Variants in RYR3 observed in about 807,000 individuals in gnomAD.
RYR3 encodes the protein brain ryanodine receptor-calcium release channel.
Under a neutral mutation model 584.3 loss-of-function variants are expected in RYR3, and 207 were observed. The ratio of observed to expected loss-of-function variants is 0.35; its 90% CI spans 0.32 to 0.40. The LOEUF (loss-of-function observed/expected upper bound fraction) is 0.40, where lower values mean the gene tolerates loss of function less well. Among genes scored for constraint, RYR3 ranks in the 10% least tolerant of loss-of-function variants. The pLI is 1.00. For missense variants in RYR3, 5,616 were observed against 6,089.2 expected, an observed-to-expected ratio of 0.92 and a Z score of 2.59; for synonymous variants, 2,416 against 2,248.5, an observed-to-expected ratio of 1.07 and a Z score of -2.11.
chr15:33,600,996 C>T (rs1014001689), intron 16 of RYR3, among the ~76,000 whole-genome samples: 1 of 152,174 alleles, frequency 6.6e-6, no homozygotes, highest in Non-Finnish European at 1.5e-5. Flanking sequence ...TCCTTCTGCT[C>T]TGTGTTTTCA....
At chr15:33,467,530 A>G in intron 1 of RYR3, 1 of 969,694 alleles carries the variant, frequency 1.0e-6, no homozygotes, top group Non-Finnish European at 1.2e-6. Context: ...GGCAAGATCC[A>G]TTCATTTTCA....
chr15:33,722,615 A>AT, intron 43 of RYR3, 100 bp from the exon 44 acceptor site: 2 of 1,193,088 alleles, frequency 1.7e-6, no homozygotes, highest in Non-Finnish European at 1.2e-6. Context: ...AGAGTAGGTG[A>AT]TAAGCTGAAC....
Position 33,859,737 on chromosome 15 carries a change from A to G in RYR3, c.14299+6A>G. 1 of 1,603,112 alleles carries G rather than the reference A, an allele frequency of 6.2e-7. No homozygotes were observed. Among genetic ancestry groups the G allele is most frequent in the Non-Finnish European group, 8.5e-7 (1 of 1,173,874 alleles). ...CTTGCTGGCCATCATTCAAGGTATG[A>G]TTGCCAATTGTGTTGAGTATGAACA... On this transcript the variant is annotated splice_donor_region_variant and intron_variant, in intron 100 of 103. Transcript: ENST00000634891.
chr15:33,863,113 C>G (rs1436307745), intron 102 of RYR3, among the ~76,000 whole-genome samples: 6 of 152,148 alleles, frequency 3.9e-5, no homozygotes, highest in East Asian at 1.9e-4. Context: ...TCCCATGGCA[C>G]TGTTACACTG....
chr15:33,434,892 A>G (rs2045519939), intron 1 of RYR3, among the ~76,000 whole-genome samples: 2 of 152,054 alleles, frequency 1.3e-5, no homozygotes, highest in South Asian at 2.1e-4. Flanking sequence ...ATCTTGGCTC[A>G]CTGCAAGCTC....
rs746018317 is a variant in RYR3 at position 33,752,999 on chromosome 15, G to A, written c.8400-2066G>A. ...ATGAAGGATGTTAAATTTTATTGAAGGCCTTTTCTCCCTCTATTGAGATAA... is the reference window on the plus strand; with the variant it reads ...ATGAAGGATGTTAAATTTTATTGAAAGCCTTTTCTCCCTCTATTGAGATAA... On this transcript the variant is annotated intron_variant, in intron 57 of 103. Transcript: ENST00000634891. 1.1e-4 allele frequency among the ~76,000 whole-genome samples: 17 copies of A among 152,074 alleles called. 1 individual carries two copies. Among genetic ancestry groups the A allele is most frequent in the Admixed American group, 3.9e-4 (6 of 15,270 alleles).
At chr15:33,348,585 C>T (rs1266638837) in intron 1 of RYR3, among the ~76,000 whole-genome samples, 2 of 152,124 alleles carry the variant, frequency 1.3e-5, no homozygotes, top group Admixed American at 6.5e-5. Context: ...AAGCTATTCT[C>T]CTGCCTCAGC....
intron 28 of RYR3, among the ~76,000 whole-genome samples, chr15:33,644,869 G>A (rs1042586467): frequency 1.3e-5 from 2 of 151,390 alleles, no homozygotes; most frequent in Non-Finnish European, 2.9e-5. Context: ...AGTTCGGGCT[G>A]GGTGTGGTGG....
At chr15:33,793,059 T>C (rs1333454511) in intron 67 of RYR3, among the ~76,000 whole-genome samples, 1 of 152,228 alleles carries the variant, frequency 6.6e-6, no homozygotes, top group Non-Finnish European at 1.5e-5. Context: ...TCTCATGACC[T>C]GGCTTGATAA....
In RYR3 at chr15:33,547,700, A is replaced by C. The variant is rs759070197; in HGVS notation, c.741-430A>C. Among the ~76,000 whole-genome samples, 55 of 152,194 alleles carry C rather than the reference A, an allele frequency of 3.6e-4. 1 individual carries two copies. The highest frequency in any genetic ancestry group is 1.3e-4 in the Admixed American group (2 of 15,274). The stretch of plus-strand genomic sequence containing the variant: ...CCTGGAATGATGGAAATGAGTTCAC[A>C]CTATGTCGAATAGGTGTTTTTAAAG... On this transcript the variant is annotated intron_variant, in intron 8 of 103. Coordinates refer to ENST00000634891, the MANE Select transcript of RYR3 (RefSeq NM_001036.6).
chr15:33,555,811 A>G (rs1365118718), intron 10 of RYR3, among the ~76,000 whole-genome samples: 5 of 152,258 alleles, frequency 3.3e-5, no homozygotes, highest in East Asian at 1.9e-4. Context: ...GCCTTCCCCA[A>G]TAAGGCAGAT....
At chr15:33,334,046 G>A (rs1183345210) in intron 1 of RYR3, among the ~76,000 whole-genome samples, 1 of 152,106 alleles carries the variant, frequency 6.6e-6, no homozygotes, top group African/African-American at 2.4e-5. Context: ...ACAAACAAAT[G>A]GAAAAACATT....
At chr15:33,551,094 T>A (rs1053304570) in intron 10 of RYR3, among the ~76,000 whole-genome samples, 1 of 152,224 alleles carries the variant, frequency 6.6e-6, no homozygotes, top group East Asian at 1.9e-4. Context: ...CAGTGCTGGA[T>A]CTAGCTGAAC....
intron 38 of RYR3, among the ~76,000 whole-genome samples, chr15:33,679,740 A>C (rs1421997889): frequency 6.6e-6 from 1 of 152,156 alleles, no homozygotes; most frequent in East Asian, 1.9e-4. Flanking sequence ...ATTTTCTTCA[A>C]CATAAATTTT....
Position 33,843,325 on chromosome 15 carries a change from AAAAG to A in RYR3, c.13210-155_13210-152del, listed in dbSNP as rs541874999. Among the ~76,000 whole-genome samples, 325 of 152,192 alleles carry A rather than the reference AAAAG, an allele frequency of 2.1e-3. 1 individual carries two copies. Among genetic ancestry groups the A allele is most frequent in the African/African-American group, 7.6e-3 (315 of 41,540 alleles). ...ACAGAGCGAGACTCCATCTCAAAAAAAAAGAAAGAAAAGAATGCCAGGGTTACCC... is the reference window on the plus strand; with the variant it reads ...ACAGAGCGAGACTCCATCTCAAAAAAAAAGAAAAGAATGCCAGGGTTACCC... On this transcript the variant is annotated intron_variant, in intron 91 of 103. Transcript: ENST00000634891.
chr15:33,328,918 T>G (rs1970061007), intron 1 of RYR3, among the ~76,000 whole-genome samples: 1 of 152,048 alleles, frequency 6.6e-6, no homozygotes. Flanking sequence ...GTATCTCTCC[T>G]TCTTCATTTC....
At chr15:33,816,413 A>G (rs978810787) in intron 74 of RYR3, among the ~76,000 whole-genome samples, 13 of 152,252 alleles carry the variant, frequency 8.5e-5, no homozygotes, top group African/African-American at 3.1e-4. Flanking sequence ...AAGAAGCCAC[A>G]TTTTGGTATT....
intron 18 of RYR3, among the ~76,000 whole-genome samples, chr15:33,612,665 A>G (rs1371583637): frequency 6.6e-6 from 1 of 152,172 alleles, no homozygotes; most frequent in Non-Finnish European, 1.5e-5. Flanking sequence ...CAGCCTATGT[A>G]GCATAGTTTA....
Position 33,563,026 on chromosome 15 carries a change from T to C in RYR3, c.1146+16T>C. ...AAAAAGAAAGGTGAGAGTCAGAATA[T>C]CTGTCTACAATTGTTTTACCCTGAG... On this transcript the variant is annotated intron_variant, in intron 11 of 103. Transcript: ENST00000634891. The C allele has an allele frequency of 1.2e-6, 2 of 1,601,164 alleles. No individual in the cohort carries two copies. The highest frequency in any genetic ancestry group is 1.7e-6 in the Non-Finnish European group (2 of 1,172,660).
Sources: gnomAD v4.1 joint callset for allele counts (sites outside exome capture counted in the v4.1 genomes callset) on GRCh38, gnomAD v4.1.1 for gene constraint, MANE v1.5 for transcripts, NCBI Gene and HGNC (gene_info 2026-07-23, HGNC 2026-07-21) for gene names.